Variants in DMD observed in about 807,000 individuals in gnomAD.
DMD encodes the protein mutant dystrophin.
A neutral mutation model predicts 330.1 loss-of-function variants in DMD; 63 were observed. The observed-to-expected ratio is 0.19, with a 90% CI of 0.16 to 0.24. DMD has a LOEUF of 0.24. Ranked by LOEUF, DMD falls within the 10% of genes least tolerant of loss-of-function variation. The probability of loss-of-function intolerance (pLI) is 1.00; values close to 1 mark genes in which losing one functional copy is unlikely to be tolerated. For missense variants in DMD, 3,344 were observed against 2,684.1 expected, an observed-to-expected ratio of 1.25 and a Z score of -5.43; for synonymous variants, 1,223 against 959.8, an observed-to-expected ratio of 1.27 and a Z score of -5.07.
intron 7 of DMD, among the ~76,000 whole-genome samples, chrX:32,710,453 G>A (rs1216287639): frequency 1.8e-5 from 2 of 111,080 alleles, no homozygotes; most frequent in Non-Finnish European, 3.8e-5. Flanking sequence ...AAGTGATAGG[G>A]AAAGAAGCAT....
At chrX:31,191,700 T>C (rs2042384867) in intron 67 of DMD, among the ~76,000 whole-genome samples, 1 of 112,166 alleles carries the variant, frequency 8.9e-6, no homozygotes, top group Non-Finnish European at 1.9e-5. Context: ...TTAAGTCCAA[T>C]GACCCTCTCT....
At chrX:32,833,706 A>C (rs981898401) in intron 4 of DMD, among the ~76,000 whole-genome samples, 12 of 108,890 alleles carry the variant, frequency 1.1e-4, no homozygotes, top group Non-Finnish European at 2.1e-4. Flanking sequence ...AAAAAAAAAA[A>C]AAAAGCAATA....
chrX:32,391,735 C>G (rs911952809), intron 30 of DMD, among the ~76,000 whole-genome samples: 1 of 111,587 alleles, frequency 9.0e-6, no homozygotes, highest in East Asian at 2.8e-4. Context: ...CAAGAAACAT[C>G]ACAGAATCTA....
chrX:32,486,703 T>C (rs888451048), intron 20 of DMD, among the ~76,000 whole-genome samples: 6 of 105,796 alleles, frequency 5.7e-5, no homozygotes, highest in African/African-American at 2.1e-4. Flanking sequence ...GCCGCATACC[T>C]ACAACTATCT....
intron 75 of DMD, among the ~76,000 whole-genome samples, chrX:31,147,018 G>GT (rs1338595866): frequency 2.7e-5 from 3 of 111,505 alleles, no homozygotes; most frequent in African/African-American, 9.8e-5. Flanking sequence ...ACCTTTAGGC[G>GT]TTTTTTTCCC....
rs1161800352 is a variant in DMD, at chrX:32,759,850, G to T, written c.649+49643C>A. On this transcript the variant is annotated intron_variant, in intron 7 of 78. Transcript: ENST00000357033. ...GCAGATGCAGGTTTTTCTTGGGGGGGGGGGGGGGGCGGGGGAAGACCCAGG... is the reference window on the plus strand; with the variant it reads ...GCAGATGCAGGTTTTTCTTGGGGGGTGGGGGGGGGCGGGGGAAGACCCAGG... 8.3e-4 allele frequency among the ~76,000 whole-genome samples: 51 copies of T among 61,171 alleles called. 3 individuals are homozygous for T. The highest frequency in any genetic ancestry group is 3.5e-3 in the South Asian group (2 of 573). The allele number at this position is 61,171 out of a possible 115,157, so 53.1% of individuals were successfully genotyped here. A position where few individuals can be genotyped will look rare whatever the true frequency, so the allele number is the denominator to read the frequency against.
chrX:33,066,673 C>T (rs1360764094), intron 1 of DMD, among the ~76,000 whole-genome samples: 2 of 109,879 alleles, frequency 1.8e-5, no homozygotes, highest in Non-Finnish European at 3.8e-5. Context: ...CCATTTAAAC[C>T]TTTAATTCTG....
intron 1 of DMD, among the ~76,000 whole-genome samples, chrX:33,033,715 C>T (rs1431085715): frequency 1.9e-5 from 2 of 107,981 alleles, no homozygotes; most frequent in African/African-American, 6.8e-5. Context: ...GAGACTCCGT[C>T]TCAAAAAAAA....
chrX:31,405,736 GC>G (rs1044761805), intron 60 of DMD, among the ~76,000 whole-genome samples: 3 of 111,542 alleles, frequency 2.7e-5, no homozygotes, highest in African/African-American at 9.8e-5. Context: ...GGATGTAAGT[GC>G]CCTTTGGAAA....
intron 47 of DMD, among the ~76,000 whole-genome samples, chrX:31,884,636 A>C (rs1188064936): frequency 8.9e-6 from 1 of 111,964 alleles, no homozygotes; most frequent in Non-Finnish European, 1.9e-5. Flanking sequence ...GTAGATTTTA[A>C]GTGTTCTTAC....
intron 50 of DMD, among the ~76,000 whole-genome samples, chrX:31,776,609 AAGGAGGGAGGGAGGG>A (rs1456454735): frequency 7.2e-5 from 6 of 83,743 alleles, no homozygotes; most frequent in African/African-American, 2.6e-4. Context: ...GGGAGGGAGG[AAGGAGGGAGGGAGGG>A]AGGGAGGGAA....
intron 1 of DMD, among the ~76,000 whole-genome samples, chrX:33,189,896 A>C (rs1240145587): frequency 1.8e-5 from 2 of 112,193 alleles, no homozygotes; most frequent in Non-Finnish European, 3.8e-5. Flanking sequence ...TTTCACTGCA[A>C]GGAAATTTCT....
intron 7 of DMD, among the ~76,000 whole-genome samples, chrX:32,726,550 T>C (rs1349452117): frequency 9.0e-6 from 1 of 111,555 alleles, no homozygotes; most frequent in Non-Finnish European, 1.9e-5. Context: ...TTACTCTTTG[T>C]AATAAAATTC....
At chrX:31,297,125 A>C (rs925168153) in intron 62 of DMD, among the ~76,000 whole-genome samples, 1 of 111,384 alleles carries the variant, frequency 9.0e-6, no homozygotes, top group Non-Finnish European at 1.9e-5. Flanking sequence ...GAAACTGGAG[A>C]AGAGCCCCTG....
intron 44 of DMD, among the ~76,000 whole-genome samples, chrX:32,095,176 G>A (rs769812254): frequency 9.0e-6 from 1 of 111,306 alleles, no homozygotes; most frequent in African/African-American, 3.3e-5. Flanking sequence ...TCAAATAATA[G>A]GGCCCTGTCT....
intron 42 of DMD, among the ~76,000 whole-genome samples, chrX:32,302,732 A>C (rs2148546036): frequency 9.0e-6 from 1 of 111,286 alleles, no homozygotes; most frequent in Non-Finnish European, 1.9e-5. Flanking sequence ...GCATTTTACA[A>C]ATCTTGAAAT....
chrX:32,032,220 T>G (rs929753166), intron 44 of DMD, among the ~76,000 whole-genome samples: 4 of 111,975 alleles, frequency 3.6e-5, no homozygotes, highest in African/African-American at 1.3e-4. Context: ...GATTTTAGAT[T>G]TATACTGTCT....
At chrX:32,842,469 G>C (rs911394152) in intron 4 of DMD, among the ~76,000 whole-genome samples, 3 of 111,898 alleles carry the variant, frequency 2.7e-5, no homozygotes, top group African/African-American at 9.8e-5. Context: ...GATGTGGTAT[G>C]TGTGCTAGCA....
In DMD at chrX:31,968,369, A is replaced by G. The variant is rs899738370; in HGVS notation, c.6584T>C (p.Val2195Ala). The change falls in exon 45 of 79, where the codon GTC becomes GCC. Residue 2195 changes from valine (V) to alanine (A), a missense_variant. By Grantham distance (64) the Val-to-Ala change is moderately conservative. Transcript: ENST00000357033. The stretch of plus-strand genomic sequence containing the variant: ...TTTTCTGTCTGACAGCTGTTTGCAG[A>G]CCTCCTGCCACCGCAGATTCAGGCT... Reference protein sequence around the residue: ...LGSLNLRWQEVCKQLSDRKKR... With the variant: ...LGSLNLRWQEACKQLSDRKKR... The G allele has an allele frequency of 1.7e-6, 2 of 1,207,990 alleles. No individual in the cohort carries two copies. Among genetic ancestry groups the G allele is most frequent in the Middle Eastern group, 2.3e-4 (1 of 4,367 alleles).
Sources: allele counts gnomAD v4.1 joint callset (sites outside exome capture counted in the v4.1 genomes callset), GRCh38; gene constraint gnomAD v4.1.1; transcripts MANE v1.5; gene names NCBI Gene and HGNC (gene_info 2026-07-23, HGNC 2026-07-21).